Variants in HERC2 observed in about 807,000 individuals in gnomAD.
The protein encoded by HERC2 is HECT and RLD domain containing E3 ubiquitin protein ligase 2.
A neutral mutation model predicts 537.7 loss-of-function variants in HERC2; 102 were observed. That is an observed-to-expected ratio of 0.19 (90% CI 0.16 to 0.22). HERC2 has a LOEUF of 0.22. Among genes scored for constraint, HERC2 ranks in the 10% least tolerant of loss-of-function variants. HERC2 has a pLI of 1.00. For synonymous variants in HERC2, 2,224 were observed against 2,466.2 expected (o/e 0.90, Z 2.91); for missense variants, 4,236 against 6,198.2 (o/e 0.68, Z 10.63).
intron 50 of HERC2, among the ~76,000 whole-genome samples, chr15:28,197,891 A>C (rs555059618): frequency 3.9e-4 from 60 of 152,308 alleles, no homozygotes; most frequent in African/African-American, 7.7e-4. Context: ...CAAAACCCCT[A>C]CTTAACCATG....
intron 2 of HERC2, among the ~76,000 whole-genome samples, chr15:28,318,799 T>G (rs1259792328): frequency 6.6e-6 from 1 of 151,318 alleles, no homozygotes; most frequent in Non-Finnish European, 1.5e-5. Flanking sequence ...CACACAAGCA[T>G]TATAAGTTTT....
chr15:28,258,952 T>C (rs920794939), intron 16 of HERC2, among the ~76,000 whole-genome samples: 1 of 152,044 alleles, frequency 6.6e-6, no homozygotes, highest in African/African-American at 2.4e-5. Flanking sequence ...TAAGGAAAAC[T>C]TGACACGTAA....
chr15:28,112,253 T>C (rs573709136), intron 92 of HERC2, among the ~76,000 whole-genome samples: 17 of 152,282 alleles, frequency 1.1e-4, no homozygotes, highest in Middle Eastern at 3.4e-3. Flanking sequence ...TGGCTCTCTA[T>C]TGTCATCCCG....
rs200506884 is a variant in HERC2 at position 28,202,368 on chromosome 15, C to T, written c.7459G>A (p.Gly2487Arg). 85 of 1,613,726 alleles carry T rather than the reference C, an allele frequency of 5.3e-5. 1 individual carries two copies. The highest frequency in any genetic ancestry group is 3.3e-4 in the Middle Eastern group (2 of 6,078). ...FALKSLTGAS[G>R]NASSLPGVEA... ...GTACCAGGCAAGCTGGATGCATTCC[C>T]GGAAGCACCAGTGAGAGACTTCAGG... The change falls in exon 46 of 93, where the codon GGG becomes AGG. Residue 2487 changes from glycine to arginine, a missense_variant. By Grantham distance (125) the Gly-to-Arg change is moderately radical. This residue lies in a region of HERC2 where 606 missense variants were observed against 884.5 expected (regional missense o/e 0.69). Transcript: ENST00000261609.
At position 28,292,876 on chromosome 15, in the gene HERC2, T is replaced by A. The variant is rs550204397; in HGVS notation, c.322+12A>T. 1 of 1,608,130 alleles carries A rather than the reference T, an allele frequency of 6.2e-7. No homozygotes were observed. The highest frequency in any genetic ancestry group is 1.7e-5 in the Admixed American group (1 of 59,152). On this transcript the variant is annotated intron_variant, in intron 4 of 92. Coordinates refer to ENST00000261609, the MANE Select transcript of HERC2 (RefSeq NM_004667.6). ...ATCAACCTTTCCAAAGTGCCAAAATTCACAAGATTACCTGGTTGCTTGCCC... is the reference window on the plus strand; with the variant it reads ...ATCAACCTTTCCAAAGTGCCAAAATACACAAGATTACCTGGTTGCTTGCCC...
intron 6 of HERC2, 100 bp downstream of exon 6, chr15:28,274,805 T>G: frequency 2.3e-6 from 2 of 880,622 alleles, no homozygotes; most frequent in East Asian, 4.9e-5. Context: ...AGAGAGCACA[T>G]GGGATCAGCC....
chr15:28,135,831 T>C, intron 78 of HERC2, 139 bp from the exon 79 acceptor site: 1 of 652,252 alleles, frequency 1.5e-6, no homozygotes, highest in Non-Finnish European at 2.6e-6. Context: ...CTCAGGAATA[T>C]AAGTTTATGC....
intron 23 of HERC2, among the ~76,000 whole-genome samples, chr15:28,244,044 C>T (rs995779661): frequency 7.9e-5 from 12 of 152,172 alleles, no homozygotes; most frequent in East Asian, 1.9e-4. Context: ...GGCATGGTGG[C>T]GCATGCTTGC....
chr15:28,233,093 G>C, intron 30 of HERC2, 53 bp downstream of exon 30: 1 of 1,373,784 alleles, frequency 7.3e-7, no homozygotes, highest in Non-Finnish European at 1.0e-6. Context: ...GATCCAATGT[G>C]GCAGGGTGAA....
chr15:28,288,123 TTC>T (rs1338299837), intron 4 of HERC2, among the ~76,000 whole-genome samples: 3 of 152,106 alleles, frequency 2.0e-5, no homozygotes, highest in African/African-American at 7.2e-5. Flanking sequence ...ACTGAAAAAC[TTC>T]TCTGTCAGAA....
intron 9 of HERC2, chr15:28,271,924 A>G: frequency 2.3e-6 from 1 of 435,260 alleles, no homozygotes; most frequent in South Asian, 3.5e-5. Context: ...CCCAGTACAT[A>G]GGAAGGACCA....
At chr15:28,127,232 C>A (rs1284723293) in intron 83 of HERC2, among the ~76,000 whole-genome samples, 1 of 152,218 alleles carries the variant, frequency 6.6e-6, no homozygotes, top group African/African-American at 2.4e-5. Flanking sequence ...GGTGTCTCTG[C>A]AGACGCAGCT....
chr15:28,113,294 ATG>A lies in HERC2; in HGVS notation c.14020-13_14020-12del. The A allele has an allele frequency of 6.2e-7, 1 of 1,613,314 alleles. No homozygotes were observed. The highest frequency in any genetic ancestry group is 8.5e-7 in the Non-Finnish European group (1 of 1,179,550). On this transcript the variant is annotated splice_polypyrimidine_tract_variant and intron_variant, in intron 91 of 92. Transcript: ENST00000261609. This position sits in a 1 kb window ranked among gnomAD's most constrained non-coding sequence, Gnocchi z 7.0. ...AGGGCTGCCACACACCTGCGGGAGG[ATG>A]TCTGTCAGGGCCGCGTGATGCTTCC...
Position 28,225,722 on chromosome 15 carries a change from A to G in HERC2, c.5464+2496T>C, listed in dbSNP as rs542374787. The stretch of plus-strand genomic sequence containing the variant: ...AAAAAAAAAAAAAAAAAAAGAAAGA[A>G]AAAAAAGAAGATGCAAATAACTAAC... On this transcript the variant is annotated intron_variant, in intron 35 of 92. Transcript: ENST00000261609. Among the ~76,000 whole-genome samples, 76 of 151,660 alleles carry G rather than the reference A, an allele frequency of 5.0e-4. No individual in the cohort carries two copies. In the East Asian group the frequency reaches 0.01, roughly 20 times the overall value.
intron 50 of HERC2, 59 bp downstream of exon 50, chr15:28,198,319 A>G (rs1897548174): frequency 6.5e-7 from 1 of 1,547,790 alleles, no homozygotes; most frequent in Admixed American, 1.8e-5. Flanking sequence ...AGAAATACTA[A>G]GTACACATGC....
chr15:28,152,950 C>G (rs1432245980), intron 69 of HERC2, 120 bp from the exon 70 acceptor site: 3 of 1,003,980 alleles, frequency 3.0e-6, no homozygotes, highest in Non-Finnish European at 4.3e-6. Flanking sequence ...GAGTGGAGGG[C>G]TTGGAGTTTG....
chr15:28,202,480 C>T lies in HERC2; in HGVS notation c.7347G>A (p.Lys2449=). The T allele has an allele frequency of 3.4e-6, 5 of 1,459,202 alleles. No homozygotes were observed. The highest frequency in any genetic ancestry group is 4.7e-6 in the Non-Finnish European group (5 of 1,052,716). 90.4% of individuals were successfully genotyped at this position (1,459,202 alleles called of 1,614,324 possible). A position where few individuals can be genotyped will look rare whatever the true frequency, so the allele number is the denominator to read the frequency against. The change falls in exon 46 of 93, where the codon AAG becomes AAA. Residue 2449 remains lysine, a synonymous_variant. Coordinates refer to ENST00000261609, the MANE Select transcript of HERC2 (RefSeq NM_004667.6). ...CGGGAACGGGCGACTGCTTGCGCCT[C>T]TTCACTCTGGCAGGGCGGATGTGCT... The part of the protein sequence containing the change: ...AVQHIRPARV[K]RRKQSPVPAL...
intron 14 of HERC2, among the ~76,000 whole-genome samples, chr15:28,263,741 G>C (rs2075477186): frequency 6.6e-6 from 1 of 152,110 alleles, no homozygotes. Context: ...CTAAAAAACA[G>C]AATTGTTAGG....
intron 35 of HERC2, among the ~76,000 whole-genome samples, chr15:28,227,462 A>G (rs1451770529): frequency 6.7e-6 from 1 of 149,382 alleles, no homozygotes; most frequent in East Asian, 1.9e-4. Flanking sequence ...CATCCAAAAA[A>G]AAAAAGAAAA....
Sources: gnomAD v4.1 joint callset for allele counts (sites outside exome capture counted in the v4.1 genomes callset) on GRCh38, gnomAD v4.1.1 for gene constraint, gnomAD v4.1.1 regional missense constraint, Gnocchi (gnomAD v3.1) non-coding constraint, MANE v1.5 for transcripts, NCBI Gene and HGNC (gene_info 2026-07-23, HGNC 2026-07-21) for gene names.